Variants in CCSER1 observed in about 807,000 individuals in gnomAD.
CCSER1 encodes the protein serine-rich coiled-coil domain-containing protein 1.
Under a neutral mutation model 82.0 loss-of-function variants are expected in CCSER1, and 41 were observed. The ratio of observed to expected loss-of-function variants is 0.50; its 90% CI spans 0.39 to 0.65. The LOEUF (loss-of-function observed/expected upper bound fraction) is 0.65, where lower values mean the gene tolerates loss of function less well. CCSER1 is among the 30% of genes least tolerant of loss of function. CCSER1 has a pLI of 0.00. For missense variants in CCSER1, 1,119 were observed against 1,064.2 expected (o/e 1.05, Z -0.72); for synonymous variants, 414 against 383.9 (o/e 1.08, Z -0.92).
intron 9 of CCSER1, among the ~76,000 whole-genome samples, chr4:91,032,184 T>C (rs1741041903): frequency 2.0e-5 from 3 of 152,178 alleles, no homozygotes; most frequent in Non-Finnish European, 2.9e-5. Context: ...TTTATATTAC[T>C]TACATGTTAT....
chr4:91,142,594 A>G (rs190591644), intron 10 of CCSER1, among the ~76,000 whole-genome samples: 47 of 152,296 alleles, frequency 3.1e-4, no homozygotes, highest in African/African-American at 5.1e-4. Context: ...TTCATAGTTC[A>G]AGGTCCTGCT....
At chr4:90,411,600 T>C (rs1754819292) in intron 4 of CCSER1, among the ~76,000 whole-genome samples, 1 of 152,142 alleles carries the variant, frequency 6.6e-6, no homozygotes, top group Admixed American at 6.5e-5. Context: ...CTCAATAAAT[T>C]AGGTATTGAT....
At chr4:91,465,096 T>C (rs1344369107) in intron 10 of CCSER1, among the ~76,000 whole-genome samples, 1 of 152,170 alleles carries the variant, frequency 6.6e-6, no homozygotes, top group Non-Finnish European at 1.5e-5. Flanking sequence ...ATTGACCGCA[T>C]AGTCGGAAGT....
intron 8 of CCSER1, among the ~76,000 whole-genome samples, chr4:90,848,056 A>T (rs1161722317): frequency 2.6e-5 from 4 of 152,194 alleles, no homozygotes; most frequent in Non-Finnish European, 5.9e-5. Context: ...GAAGCAAATT[A>T]TTGTGGATTT....
chr4:91,455,168 G>A (rs1163782424), intron 10 of CCSER1, among the ~76,000 whole-genome samples: 1 of 151,916 alleles, frequency 6.6e-6, no homozygotes, highest in East Asian at 1.9e-4. Context: ...ATAACACAAT[G>A]AGTGGAGGTA....
At chr4:90,388,994 C>T (rs1328329901) in intron 3 of CCSER1, among the ~76,000 whole-genome samples, 1 of 152,098 alleles carries the variant, frequency 6.6e-6, no homozygotes, top group Non-Finnish European at 1.5e-5. Flanking sequence ...ATTGTATATT[C>T]AAAGATAAAC....
intron 10 of CCSER1, among the ~76,000 whole-genome samples, chr4:91,233,271 A>T (rs1738761074): frequency 6.6e-6 from 1 of 151,944 alleles, no homozygotes; most frequent in Non-Finnish European, 1.5e-5. Context: ...AGTCTTTGTT[A>T]AAGAAAAAAA....
chr4:91,365,043 TA>T (rs1164621328), intron 10 of CCSER1, among the ~76,000 whole-genome samples: 1 of 152,176 alleles, frequency 6.6e-6, no homozygotes, highest in Non-Finnish European at 1.5e-5. Flanking sequence ...GGAAAAGTAT[TA>T]AATAGTGCAC....
At chr4:91,563,758 C>T (rs1762763047) in intron 10 of CCSER1, among the ~76,000 whole-genome samples, 1 of 151,748 alleles carries the variant, frequency 6.6e-6, no homozygotes, top group Admixed American at 6.6e-5. Context: ...GTAAAATTGT[C>T]TCTTTCGGCA....
intron 10 of CCSER1, among the ~76,000 whole-genome samples, chr4:91,170,700 A>G (rs934578698): frequency 1.1e-4 from 16 of 152,314 alleles, no homozygotes; most frequent in Non-Finnish European, 2.2e-4. Context: ...CACACCCACT[A>G]TATTATCCAT....
At chr4:91,578,567 G>A (rs544937879) in intron 10 of CCSER1, among the ~76,000 whole-genome samples, 1 of 151,992 alleles carries the variant, frequency 6.6e-6, no homozygotes, top group African/African-American at 2.4e-5. Context: ...TGAGGAAATT[G>A]ATGGCTAGAA....
rs530562030 is a variant in CCSER1 at position 91,594,354 on chromosome 4, TAC to T, written c.2218-4214_2218-4213del. Among the ~76,000 whole-genome samples the T allele has an allele frequency of 2.0e-4, 30 of 146,738 alleles. No homozygotes were observed. In the South Asian group the frequency reaches 6.4e-3, roughly 31 times the overall value. On this transcript the variant is annotated intron_variant, in intron 10 of 10. Transcript: ENST00000509176. The stretch of plus-strand genomic sequence containing the variant: ...GTACACACATATATATACATATATA[TAC>T]ACATATATATACACATATATATACA...
intron 10 of CCSER1, among the ~76,000 whole-genome samples, chr4:91,431,215 A>G (rs568015374): frequency 2.0e-5 from 3 of 152,178 alleles, no homozygotes; most frequent in Non-Finnish European, 4.4e-5. Flanking sequence ...CAGTCTGGGC[A>G]ACAGAGCGAG....
At chr4:90,852,697 T>C (rs1764025875) in intron 8 of CCSER1, among the ~76,000 whole-genome samples, 1 of 152,240 alleles carries the variant, frequency 6.6e-6, no homozygotes, top group African/African-American at 2.4e-5. Context: ...GTTGTTGTTT[T>C]TTCCAGAAGA....
At chr4:91,277,701 T>C (rs1742592001) in intron 10 of CCSER1, among the ~76,000 whole-genome samples, 2 of 151,506 alleles carry the variant, frequency 1.3e-5, no homozygotes, top group Middle Eastern at 3.2e-3. Context: ...CTATGACTTT[T>C]ATTATTTCAT....
intron 8 of CCSER1, among the ~76,000 whole-genome samples, chr4:90,905,886 A>C (rs897130128): frequency 2.0e-5 from 3 of 152,148 alleles, no homozygotes; most frequent in African/African-American, 7.2e-5. Flanking sequence ...TTTGTTTATA[A>C]ATATAAATAT....
intron 1 of CCSER1, among the ~76,000 whole-genome samples, chr4:90,241,430 A>G (rs769662054): frequency 6.6e-6 from 1 of 152,222 alleles, no homozygotes; most frequent in Non-Finnish European, 1.5e-5. Flanking sequence ...TTTATTATGA[A>G]CGACAGTAAC....
At chr4:90,449,787 A>G (rs1277788701) in intron 4 of CCSER1, among the ~76,000 whole-genome samples, 1 of 152,216 alleles carries the variant, frequency 6.6e-6, no homozygotes, top group Admixed American at 6.5e-5. Flanking sequence ...CAAGCCTCCA[A>G]GAGCAGAGAG....
chr4:91,200,088 G>A (rs1472229116), intron 10 of CCSER1, among the ~76,000 whole-genome samples: 3 of 152,018 alleles, frequency 2.0e-5, no homozygotes, highest in African/African-American at 4.8e-5. Context: ...GTGGATGAAT[G>A]TGTCTATGGA....
Sources: allele counts gnomAD v4.1 joint callset (sites outside exome capture counted in the v4.1 genomes callset), GRCh38; gene constraint gnomAD v4.1.1; transcripts MANE v1.5; gene names NCBI Gene and HGNC (gene_info 2026-07-23, HGNC 2026-07-21).